Variants in PCDHGA7 observed in about 807,000 individuals in gnomAD.
PCDHGA7 encodes the protein protocadherin gamma subfamily A, 7, also known as protocadherin gamma-A7.
A neutral mutation model predicts 58.3 loss-of-function variants in PCDHGA7; 44 were observed. That is an observed-to-expected ratio of 0.75 (90% confidence interval 0.59 to 0.97). PCDHGA7 has a LOEUF of 0.97. PCDHGA7 is among the 50% of genes least tolerant of loss of function. The pLI, the probability that PCDHGA7 is intolerant of heterozygous loss-of-function variation, is 0.00. For synonymous variants in PCDHGA7, 516 were observed against 504.2 expected (o/e 1.02, Z -0.31); for missense variants, 1,266 against 1,188.7 (o/e 1.06, Z -0.96).
chr5:141,479,020 T>C (rs961123768), intron 1 of PCDHGA7, among the ~76,000 whole-genome samples: 1 of 152,236 alleles, frequency 6.6e-6, no homozygotes, highest in African/African-American at 2.4e-5. Flanking sequence ...ATAATTTTCC[T>C]TTGTTTATAC....
chr5:141,421,854 C>CCTG (rs761444125), intron 1 of PCDHGA7: 2 of 1,613,762 alleles, frequency 1.2e-6, no homozygotes, highest in Non-Finnish European at 1.7e-6. Flanking sequence ...AGGCTGCTCA[C>CCTG]CTGCTCCTCC....
rs1306500688 is a variant in PCDHGA7 at position 141,491,142 on chromosome 5, A to T, written c.2425-3665A>T. ...GTGAGGTGCGCACAGCCCGGGCCTTACTGGAGGATGACTCTGACACCCAGC... is the reference window on the plus strand; with the variant it reads ...GTGAGGTGCGCACAGCCCGGGCCTTTCTGGAGGATGACTCTGACACCCAGC... On this transcript the variant is annotated intron_variant, in intron 1 of 3. Coordinates refer to ENST00000518325, the MANE Select transcript of PCDHGA7 (RefSeq NM_018920.4). This position sits in a 1 kb window ranked among gnomAD's most constrained non-coding sequence, Gnocchi z 6.9. 6.2e-7 allele frequency: 1 copy of T among 1,614,090 alleles called. No homozygotes were observed. Among genetic ancestry groups the T allele is most frequent in the Non-Finnish European group, 8.5e-7 (1 of 1,179,976 alleles).
At chr5:141,388,628 G>C (rs752578230) in intron 1 of PCDHGA7, 1 of 1,613,780 alleles carries the variant, frequency 6.2e-7, no homozygotes, top group African/African-American at 1.3e-5. Context: ...ACGTATACAG[G>C]GTGAGCCTTT....
intron 1 of PCDHGA7, chr5:141,400,672 A>G: frequency 1.1e-6 from 1 of 934,884 alleles, no homozygotes; most frequent in Non-Finnish European, 1.6e-6. Flanking sequence ...TAAGAGGAGC[A>G]GTAAATTGTG....
intron 1 of PCDHGA7, chr5:141,414,679 G>T: frequency 6.2e-7 from 1 of 1,613,960 alleles, no homozygotes; most frequent in South Asian, 1.1e-5. Context: ...CACCATCCAG[G>T]GGGTACCTCT....
At chr5:141,467,924 G>A (rs2099154404) in intron 1 of PCDHGA7, among the ~76,000 whole-genome samples, 1 of 152,042 alleles carries the variant, frequency 6.6e-6, no homozygotes, top group Non-Finnish European at 1.5e-5. Context: ...CTCCCAAAAT[G>A]CTAGGATTAC....
At chr5:141,403,978 C>T (rs965753943) in intron 1 of PCDHGA7, 2 of 1,613,714 alleles carry the variant, frequency 1.2e-6, no homozygotes, top group African/African-American at 2.7e-5. Context: ...ATGTAAATGA[C>T]AATAGACCTG....
In PCDHGA7 at chr5:141,389,510, G is replaced by A. The variant is rs527483186; in HGVS notation, c.2424+4187G>A. The A allele has an allele frequency of 5.0e-6, 8 of 1,613,140 alleles. No individual in the cohort carries two copies. In the African/African-American group the frequency reaches 6.7e-5, roughly 13 times the overall value. ...ACCAGGGCTCGCCAGCGCTCAGCGC[G>A]AACGTGAGCCTGCGCGTGTTAGTGG... On this transcript the variant is annotated intron_variant, in intron 1 of 3. Transcript: ENST00000518325.
At chr5:141,465,747 A>G (rs2099108470) in intron 1 of PCDHGA7, among the ~76,000 whole-genome samples, 2 of 151,126 alleles carry the variant, frequency 1.3e-5, no homozygotes, top group African/African-American at 4.9e-5. Flanking sequence ...TCAGGATCAG[A>G]CTGGTAAAGT....
chr5:141,461,355 G>A (rs993200082), intron 1 of PCDHGA7, among the ~76,000 whole-genome samples: 3 of 152,022 alleles, frequency 2.0e-5, no homozygotes, highest in Non-Finnish European at 2.9e-5. Flanking sequence ...GTGGTAGCTC[G>A]TTGTGGTTTT....
intron 1 of PCDHGA7, among the ~76,000 whole-genome samples, chr5:141,455,130 A>G (rs1446894125): frequency 6.6e-6 from 1 of 150,872 alleles, no homozygotes; most frequent in South Asian, 2.1e-4. Flanking sequence ...GTTTTAAATT[A>G]CACTGTGTTA....
At chr5:141,482,356 G>T (rs1330274684) in intron 1 of PCDHGA7, among the ~76,000 whole-genome samples, 1 of 152,236 alleles carries the variant, frequency 6.6e-6, no homozygotes, top group East Asian at 1.9e-4. Flanking sequence ...TGTTGTGAGA[G>T]TGAAAAGTAA....
chr5:141,477,066 T>C lies in PCDHGA7; in HGVS notation c.2425-17741T>C. ...CGGCTGGACTTCGAGGACACCAAAC[T>C]CCATGAGATTTACATCCAGGCCAAA... On this transcript the variant is annotated intron_variant, in intron 1 of 3. Coordinates refer to ENST00000518325, the MANE Select transcript of PCDHGA7 (RefSeq NM_018920.4). This position sits in a 1 kb window ranked among gnomAD's most constrained non-coding sequence, Gnocchi z 4.9. 6.2e-7 allele frequency: 1 copy of C among 1,614,148 alleles called. No homozygotes were observed. The highest frequency in any genetic ancestry group is 8.5e-7 in the Non-Finnish European group (1 of 1,180,028).
rs556415227 is a variant in PCDHGA7, at chr5:141,476,903, G to A, written c.2425-17904G>A. ...GGAGGATGCACCCTCCGGCACGCGC[G>A]TGGTACAAGTCCTTGCAACGGATCT... On this transcript the variant is annotated intron_variant, in intron 1 of 3. Transcript: ENST00000518325. This position sits in a 1 kb window ranked among gnomAD's most constrained non-coding sequence, Gnocchi z 7.6. The A allele has an allele frequency of 1.4e-5, 22 of 1,614,018 alleles. No homozygotes were observed. In the African/African-American group the frequency reaches 1.7e-4, roughly 13 times the overall value.
intron 1 of PCDHGA7, chr5:141,418,463 C>A (rs1046926260): frequency 1.2e-6 from 2 of 1,613,826 alleles, no homozygotes; most frequent in Non-Finnish European, 1.7e-6. Context: ...GACTCTGGAC[C>A]GAGAAACGCA....
chr5:141,477,890 C>T lies in PCDHGA7; in HGVS notation c.2425-16917C>T, dbSNP rs202114426. ...TACCTCAGCTGGCCACCTAGTGTCA[C>T]GGGTGGTAGGCTGGGACGCGGATGC... is the stretch of plus-strand genomic sequence containing the variant. On this transcript the variant is annotated intron_variant, in intron 1 of 3. Coordinates refer to ENST00000518325, the MANE Select transcript of PCDHGA7 (RefSeq NM_018920.4). This position sits in a 1 kb window ranked among gnomAD's most constrained non-coding sequence, Gnocchi z 4.9. 9.9e-6 allele frequency: 16 copies of T among 1,614,086 alleles called. No individual in the cohort carries two copies. Among genetic ancestry groups the T allele is most frequent in the Admixed American group, 1.7e-5 (1 of 60,006 alleles).
In PCDHGA7 at chr5:141,512,223, C is replaced by G. The variant is rs1321595614; in HGVS notation, c.*1050C>G. 6.5e-6 allele frequency: 1 copy of G among 152,728 alleles called. No individual in the cohort carries two copies. The highest frequency in any genetic ancestry group is 1.5e-5 in the Non-Finnish European group (1 of 68,110). 9.5% of individuals were successfully genotyped at this position (152,728 alleles called of 1,614,324 possible). ...CTCGAAGCAGGTTTAGGACCAGGTC[C>G]CCTTGAGAGGTCAGAGGGGCCTCTG... On this transcript the variant is annotated 3_prime_UTR_variant, in exon 4 of 4. Transcript: ENST00000518325.
chr5:141,428,949 G>T (rs2097173007), intron 1 of PCDHGA7: 1 of 152,034 alleles, frequency 6.6e-6, no homozygotes, highest in Admixed American at 6.6e-5. Flanking sequence ...CTGCCTTCCG[G>T]GTTCTGGCCA....
chr5:141,463,041 G>C (rs1383781857), intron 1 of PCDHGA7, among the ~76,000 whole-genome samples: 1 of 152,114 alleles, frequency 6.6e-6, no homozygotes, highest in African/African-American at 2.4e-5. Flanking sequence ...TGAGTGTTCA[G>C]CAGGGTCTCT....
Sources: gnomAD v4.1 joint callset for allele counts (sites outside exome capture counted in the v4.1 genomes callset) on GRCh38, gnomAD v4.1.1 for gene constraint, Gnocchi (gnomAD v3.1) non-coding constraint, MANE v1.5 for transcripts, NCBI Gene and HGNC (gene_info 2026-07-23, HGNC 2026-07-21) for gene names.